The following RGL1 variants were observed in gnomAD, a reference collection of about 807,000 sequenced individuals.
The protein encoded by RGL1 is ral guanine nucleotide dissociation stimulator like 1.
In RGL1, 24 loss-of-function variants were observed where a neutral mutation model predicts 95.2. The ratio of observed to expected loss-of-function variants is 0.25; its 90% CI spans 0.18 to 0.35. The LOEUF is 0.35. RGL1 is among the 10% of genes least tolerant of loss of function. The pLI, the probability that RGL1 is intolerant of heterozygous loss-of-function variation, is 1.00. For synonymous variants in RGL1, 329 were observed against 344.9 expected, an observed-to-expected ratio of 0.95 and a Z score of 0.51; for missense variants, 715 against 936.3, an observed-to-expected ratio of 0.76 and a Z score of 3.08.
At chr1:183,740,657 G>C (rs1282244471) in intron 1 of RGL1, among the ~76,000 whole-genome samples, 2 of 152,114 alleles carry the variant, frequency 1.3e-5, no homozygotes, top group African/African-American at 4.8e-5. Context: ...AGCTGCTTGG[G>C]GGGTGTGTGA....
intron 3 of RGL1, among the ~76,000 whole-genome samples, chr1:183,849,629 T>G (rs1169719625): frequency 6.6e-6 from 1 of 151,090 alleles, no homozygotes. Flanking sequence ...TAGCTGGGAT[T>G]ACAGGTGCAT....
At chr1:183,821,497 C>G (rs996116976) in intron 2 of RGL1, among the ~76,000 whole-genome samples, 2 of 152,088 alleles carry the variant, frequency 1.3e-5, no homozygotes, top group Admixed American at 6.5e-5. Flanking sequence ...TCTGGGGTGG[C>G]CTGACTTAAT....
chr1:183,858,719 G>C (rs1043541269), intron 3 of RGL1, among the ~76,000 whole-genome samples: 9 of 152,040 alleles, frequency 5.9e-5, no homozygotes, highest in African/African-American at 2.2e-4. Flanking sequence ...CTTAGCCCTT[G>C]ATAATGCTGT....
intron 13 of RGL1, among the ~76,000 whole-genome samples, 183 bp downstream of exon 13, chr1:183,905,154 A>G (rs1668246468): frequency 6.6e-6 from 1 of 152,176 alleles, no homozygotes; most frequent in Non-Finnish European, 1.5e-5. Context: ...ATCAAGATGT[A>G]CTTTCAGACT....
At chr1:183,684,083 T>C (rs985757950) in intron 1 of RGL1, among the ~76,000 whole-genome samples, 2 of 152,174 alleles carry the variant, frequency 1.3e-5, no homozygotes, top group African/African-American at 4.8e-5. Flanking sequence ...TTTTTCAAGG[T>C]TCTTAGCTTC....
chr1:183,681,544 A>G (rs1462033952), intron 1 of RGL1, among the ~76,000 whole-genome samples: 3 of 152,186 alleles, frequency 2.0e-5, no homozygotes, highest in Non-Finnish European at 2.9e-5. Flanking sequence ...CATGGTGGAT[A>G]AGCTTTTTGA....
chr1:183,890,978 G>C (rs1010248814), intron 8 of RGL1, among the ~76,000 whole-genome samples: 3 of 152,112 alleles, frequency 2.0e-5, no homozygotes, highest in African/African-American at 4.8e-5. Flanking sequence ...CAATAAAGCT[G>C]TTATTGTAAG....
At position 183,916,339 on chromosome 1, in the gene RGL1, A is replaced by C. The variant is rs556099762; in HGVS notation, c.1750-108A>C. The C allele has an allele frequency of 1.1e-4, 148 of 1,329,572 alleles. 1 individual carries two copies. In the East Asian group the frequency reaches 3.2e-3, roughly 29 times the overall value. 82.4% of individuals were successfully genotyped at this position (1,329,572 alleles called of 1,614,324 possible). On this transcript the variant is annotated intron_variant, in intron 15 of 17. Transcript: ENST00000360851. ...TGTGTGCTGTGGGCTGTTGTGGAGG[A>C]AATAACTGCAGTCTATCAGTCTTGA...
chr1:183,865,603 C>T (rs1347381906), intron 3 of RGL1, among the ~76,000 whole-genome samples: 2 of 152,174 alleles, frequency 1.3e-5, no homozygotes, highest in Non-Finnish European at 2.9e-5. Context: ...CCATGTGTCC[C>T]TTGCATAGAC....
chr1:183,697,480 G>A (rs12072949), intron 1 of RGL1, among the ~76,000 whole-genome samples: 2,264 of 152,230 alleles, frequency 0.015, 52 homozygotes, highest in African/African-American at 0.046. Context: ...CAGTTTGCAC[G>A]GAGGAATGGT....
At chr1:183,800,798 C>G (rs1194490756), upstream of RGL1, among the ~76,000 whole-genome samples, 1 of 152,140 alleles carries the variant, frequency 6.6e-6, no homozygotes, top group Non-Finnish European at 1.5e-5. Flanking sequence ...GTAATGTCCT[C>G]AAGGTTCATC....
chr1:183,908,616 G>A (rs1668473732), intron 14 of RGL1, among the ~76,000 whole-genome samples: 1 of 152,110 alleles, frequency 6.6e-6, no homozygotes, highest in African/African-American at 2.4e-5. Context: ...GATAATCTGA[G>A]GGGCCTGACC....
At chr1:183,768,603 G>C (rs1425769743) in intron 2 of RGL1, among the ~76,000 whole-genome samples, 3 of 150,842 alleles carry the variant, frequency 2.0e-5, no homozygotes, top group African/African-American at 7.3e-5. Flanking sequence ...CGAGTAGCTG[G>C]GACTACAGGC....
intron 1 of RGL1, among the ~76,000 whole-genome samples, chr1:183,721,472 C>T (rs1489302073): frequency 4.6e-5 from 7 of 152,210 alleles, no homozygotes; most frequent in African/African-American, 1.7e-4. Flanking sequence ...CGTCCTTATT[C>T]ACACTGGGTG....
At chr1:183,715,245 A>G (rs1655538847) in intron 1 of RGL1, among the ~76,000 whole-genome samples, 1 of 152,064 alleles carries the variant, frequency 6.6e-6, no homozygotes, top group South Asian at 2.1e-4. Flanking sequence ...CACAAATTCT[A>G]CATTTGATCT....
chr1:183,701,376 C>T (rs962055656), intron 1 of RGL1, among the ~76,000 whole-genome samples: 2 of 152,184 alleles, frequency 1.3e-5, no homozygotes, highest in East Asian at 1.9e-4. Flanking sequence ...TTTCAAGGTA[C>T]TGATGACAGA....
At chr1:183,693,348 C>T (rs1394530215) in intron 1 of RGL1, among the ~76,000 whole-genome samples, 1 of 152,008 alleles carries the variant, frequency 6.6e-6, no homozygotes, top group Non-Finnish European at 1.5e-5. Flanking sequence ...AAAAGTATGC[C>T]ATTTGCCTGT....
chr1:183,917,524 C>T (rs1669050878), intron 16 of RGL1, among the ~76,000 whole-genome samples: 1 of 152,232 alleles, frequency 6.6e-6, no homozygotes, highest in Non-Finnish European at 1.5e-5. Flanking sequence ...TGAAGGCACA[C>T]TCAGTGCTTA....
chr1:183,682,379 T>C (rs904101504), intron 1 of RGL1, among the ~76,000 whole-genome samples: 5 of 152,252 alleles, frequency 3.3e-5, no homozygotes, highest in Non-Finnish European at 7.3e-5. Context: ...TTGGTTCTCA[T>C]TGATTTCAAA....
Sources: gnomAD v4.1 joint callset for allele counts (sites outside exome capture counted in the v4.1 genomes callset) on GRCh38, gnomAD v4.1.1 for gene constraint, MANE v1.5 for transcripts, NCBI Gene and HGNC (gene_info 2026-07-23, HGNC 2026-07-21) for gene names.